The following FAT2 variants were observed in gnomAD, a reference collection of about 807,000 sequenced individuals.
FAT2 encodes the protein FAT atypical cadherin 2.
A neutral mutation model predicts 295.3 loss-of-function variants in FAT2; 150 were observed. The ratio of observed to expected loss-of-function variants is 0.51; its 90% confidence interval spans 0.44 to 0.58. The LOEUF (loss-of-function observed/expected upper bound fraction) is 0.58. Among genes scored for constraint, FAT2 ranks in the 20% least tolerant of loss-of-function variants. The pLI, the probability that FAT2 is intolerant of heterozygous loss-of-function variation, is 0.00. For synonymous variants in FAT2, 2,026 were observed against 2,150.3 expected (o/e 0.94, Z 1.60); for missense variants, 4,868 against 5,442.7 (o/e 0.89, Z 3.32).
chr5:151,573,958 T>C (rs1240628875), intron 1 of FAT2, among the ~76,000 whole-genome samples: 3 of 152,200 alleles, frequency 2.0e-5, no homozygotes, highest in Non-Finnish European at 4.4e-5. Context: ...CATATTCTAC[T>C]GTAGGAGGAT....
At chr5:151,586,087 C>T (rs1041608722) in intron 1 of FAT2, among the ~76,000 whole-genome samples, 2 of 152,344 alleles carry the variant, frequency 1.3e-5, no homozygotes, top group South Asian at 2.1e-4. Flanking sequence ...CAAAATGATA[C>T]GTTTGGCACC....
intron 1 of FAT2, among the ~76,000 whole-genome samples, chr5:151,588,340 A>G (rs1221565679): frequency 6.6e-6 from 1 of 152,214 alleles, no homozygotes; most frequent in Non-Finnish European, 1.5e-5. Flanking sequence ...TGGGCTAGGC[A>G]AGTGAAACAG....
intron 9 of FAT2, among the ~76,000 whole-genome samples, chr5:151,546,981 A>G (rs1481861019): frequency 6.6e-6 from 1 of 152,198 alleles, no homozygotes; most frequent in African/African-American, 2.4e-5. Context: ...CCTAAACTCT[A>G]GGCATTCTCA....
intron 18 of FAT2, among the ~76,000 whole-genome samples, chr5:151,522,615 T>C (rs1398663617): frequency 6.6e-6 from 1 of 152,128 alleles, no homozygotes; most frequent in African/African-American, 2.4e-5. Flanking sequence ...ATAAATAAGT[T>C]ACCAAATAAC....
intron 9 of FAT2, among the ~76,000 whole-genome samples, chr5:151,547,723 T>C (rs1201575704): frequency 6.6e-5 from 10 of 152,176 alleles, no homozygotes; most frequent in Non-Finnish European, 4.4e-5. Context: ...CTACATGTGA[T>C]TCCGATTATA....
rs781393886 is a variant in FAT2, at chr5:151,544,815, A to T, written c.6312T>A (p.Ala2104=). The T allele has an allele frequency of 6.2e-7, 1 of 1,614,222 alleles. No homozygotes were observed. Among genetic ancestry groups the T allele is most frequent in the Non-Finnish European group, 8.5e-7 (1 of 1,180,034 alleles). Residue 2104 remains alanine (A), a synonymous_variant, in exon 10 of 24, where the codon GCT becomes GCA. Transcript: ENST00000261800. ...ATDEDLGTNG[A]VTYEFAEDYT... Reference sequence around the variant, plus strand: ...AATCTTCTGCAAATTCATATGTAACAGCCCCATTTGTCCCCAAGTCCTCAT... The same window carrying T: ...AATCTTCTGCAAATTCATATGTAACTGCCCCATTTGTCCCCAAGTCCTCAT...
Position 151,546,238 on chromosome 5 carries a change from A to G in FAT2, c.4889T>C (p.Val1630Ala). The change falls in exon 10 of 24, where the codon GTG (valine) becomes GCG (alanine). Residue 1630 changes from valine to alanine, a missense_variant. By Grantham distance (64) the Val-to-Ala change is moderately conservative (BLOSUM62 0). Transcript: ENST00000261800. Reference sequence around the variant, plus strand: ...TGGGGAGCCTTGATCTTCTGCCTTCACTGTCAGAGTATGTGGGGCATGATT... The same window carrying G: ...TGGGGAGCCTTGATCTTCTGCCTTCGCTGTCAGAGTATGTGGGGCATGATT... Reference protein sequence around the residue: ...QANHAPHTLTVKAEDQGSPQW... With the variant: ...QANHAPHTLTAKAEDQGSPQW... The G allele has an allele frequency of 1.2e-6, 2 of 1,614,164 alleles. No individual in the cohort carries two copies. Among genetic ancestry groups the G allele is most frequent in the Admixed American group, 3.3e-5 (2 of 60,022 alleles).
chr5:151,512,714 G>C lies in FAT2; in HGVS notation c.11464-108C>G, dbSNP rs1054814328. 5 of 1,055,682 alleles carry C rather than the reference G, an allele frequency of 4.7e-6. No individual in the cohort carries two copies. Among genetic ancestry groups the C allele is most frequent in the South Asian group, 3.3e-5 (2 of 61,154 alleles). The allele number at this position is 1,055,682 out of a possible 1,614,324, so 65.4% of individuals were successfully genotyped here. On this transcript the variant is annotated intron_variant, in intron 20 of 23. Coordinates refer to ENST00000261800, the MANE Select transcript of FAT2 (RefSeq NM_001447.3). This position sits in a 1 kb window ranked among gnomAD's most constrained non-coding sequence, Gnocchi z 4.1. Reference sequence around the variant, plus strand: ...TGTTTGTATTTTTATGGGTAGGAGGGGGGTGTTTGGCTGTTTTAGACATGG... The same window carrying C: ...TGTTTGTATTTTTATGGGTAGGAGGCGGGTGTTTGGCTGTTTTAGACATGG...
At chr5:151,555,456 C>T (rs961153635) in intron 4 of FAT2, among the ~76,000 whole-genome samples, 3 of 150,504 alleles carry the variant, frequency 2.0e-5, no homozygotes, top group East Asian at 3.9e-4. Flanking sequence ...CTGCAACCTC[C>T]GTCTCCCAGG....
rs2127611822 is a variant in FAT2, at chr5:151,545,296, G to A, written c.5831C>T (p.Ser1944Phe). The part of the protein sequence containing the change: ...GLSRKLTIRA[S>F]DGLYQDTALV... ...CGCAGTGTCTTGATACAAGCCATCAGAAGCCCTGATGGTGAGCTTCCGAGA... is the reference window on the plus strand; with the variant it reads ...CGCAGTGTCTTGATACAAGCCATCAAAAGCCCTGATGGTGAGCTTCCGAGA... Residue 1944 changes from serine (S) to phenylalanine (F), a missense_variant, in exon 10 of 24, where the codon TCT (serine) becomes TTT (phenylalanine). This residue lies in a region of FAT2 where 3,297 missense variants were observed against 3,669.4 expected (regional missense o/e 0.90). Transcript: ENST00000261800. 6.2e-7 allele frequency: 1 copy of A among 1,614,158 alleles called. No homozygotes were observed. Among genetic ancestry groups the A allele is most frequent in the South Asian group, 1.1e-5 (1 of 91,082 alleles).
At chr5:151,593,929 G>C (rs760111371), upstream of FAT2, among the ~76,000 whole-genome samples, 1 of 152,060 alleles carries the variant, frequency 6.6e-6, no homozygotes, top group Non-Finnish European at 1.5e-5. Flanking sequence ...CTTGAACCCG[G>C]GAGGTGGAGG....
chr5:151,589,390 G>A lies in FAT2; in HGVS notation c.-21+1775C>T, dbSNP rs542548588. ...CCAAGGTGAGTTCAGTCGCACTTAG[G>A]TTAGAGTATGCAGGAAGCTGAGCAT... is the stretch of plus-strand genomic sequence containing the variant. On this transcript the variant is annotated intron_variant, in intron 1 of 23. Coordinates refer to ENST00000261800, the MANE Select transcript of FAT2 (RefSeq NM_001447.3). Among the ~76,000 whole-genome samples the A allele has an allele frequency of 5.3e-5, 8 of 152,302 alleles. No homozygotes were observed. The East Asian group carries it at 1.3e-3, about 26-fold the overall frequency.
intron 19 of FAT2, among the ~76,000 whole-genome samples, chr5:151,519,368 A>G (rs1753205954): frequency 6.6e-6 from 1 of 152,146 alleles, no homozygotes; most frequent in Non-Finnish European, 1.5e-5. Flanking sequence ...AAATCCAAAC[A>G]AGTCCAAAAT....
chr5:151,562,507 A>G (rs1218591908), intron 3 of FAT2, among the ~76,000 whole-genome samples: 1 of 152,106 alleles, frequency 6.6e-6, no homozygotes, highest in Non-Finnish European at 1.5e-5. Flanking sequence ...GTAACACAAC[A>G]GGGGATGGCA....
rs376802525 is a variant in FAT2 at position 151,565,718 on chromosome 5, G to A, written c.3214C>T (p.Arg1072Cys). The A allele has an allele frequency of 8.4e-5, 114 of 1,362,832 alleles. No homozygotes were observed. Among genetic ancestry groups the A allele is most frequent in the African/African-American group, 1.1e-4 (7 of 66,092 alleles). 84.4% of individuals were successfully genotyped at this position (1,362,832 alleles called of 1,614,324 possible). A position where few individuals can be genotyped will look rare whatever the true frequency, so the allele number is the denominator to read the frequency against. The change falls in exon 2 of 24, where the codon CGT (arginine) becomes TGT (cysteine). Residue 1072 changes from arginine to cysteine, a missense_variant. By Grantham distance (180) the Arg-to-Cys change is radical. Coordinates refer to ENST00000261800, the MANE Select transcript of FAT2 (RefSeq NM_001447.3). ...GLDGELQYFL[R>C]AGTGLAAFSI... ...AAGGCTGCGAGTCCAGTGCCAGCACGCAGGAAGTACTGGAGCTCCCCATCC... is the reference window on the plus strand; with the variant it reads ...AAGGCTGCGAGTCCAGTGCCAGCACACAGGAAGTACTGGAGCTCCCCATCC...
rs761525206 is a variant in FAT2, at chr5:151,563,527, G to A, written c.3372C>T (p.Tyr1124=). 4.3e-6 allele frequency: 7 copies of A among 1,614,122 alleles called. No individual in the cohort carries two copies. Residue 1124 remains tyrosine (Y), a synonymous_variant, in exon 3 of 24, where the codon TAC becomes TAT. Transcript: ENST00000261800. ...TGTCATTGGCATCCGTAACCTCGAT[G>A]TAGACTTCAGTTACAGAAGAGAGGG... The part of the protein sequence containing the change: ...SVPLSSVTEV[Y]IEVTDANDNP...
At chr5:151,590,611 A>C (rs968685538) in intron 1 of FAT2, among the ~76,000 whole-genome samples, 2 of 152,162 alleles carry the variant, frequency 1.3e-5, no homozygotes, top group Non-Finnish European at 2.9e-5. Flanking sequence ...AGGGAAGCTG[A>C]GGTCCTAATC....
chr5:151,553,259 G>T lies in FAT2; in HGVS notation c.4074C>A (p.Val1358=). The T allele has an allele frequency of 6.2e-7, 1 of 1,614,258 alleles. No individual in the cohort carries two copies. The highest frequency in any genetic ancestry group is 1.1e-5 in the South Asian group (1 of 91,076). Residue 1358 remains valine, a synonymous_variant, in exon 6 of 24, where the codon GTC becomes GTA. Coordinates refer to ENST00000261800, the MANE Select transcript of FAT2 (RefSeq NM_001447.3). The part of the protein sequence containing the change: ...AFDETYYSFT[V]METDPVNHMV... ...TGTGGTTCACAGGGTCCGTCTCCAT[G>T]ACCGTAAAGCTGTAGTAGGTCTCAT...
intron 20 of FAT2, among the ~76,000 whole-genome samples, chr5:151,513,768 TTTAA>T (rs757036991): frequency 1.8e-4 from 27 of 152,240 alleles, no homozygotes; most frequent in African/African-American, 2.7e-4. Context: ...AAAAAAATTA[TTTAA>T]TTAATTAAGG....
Sources: gnomAD v4.1 joint callset for allele counts (sites outside exome capture counted in the v4.1 genomes callset) on GRCh38, gnomAD v4.1.1 for gene constraint, gnomAD v4.1.1 regional missense constraint, Gnocchi (gnomAD v3.1) non-coding constraint, MANE v1.5 for transcripts, NCBI Gene and HGNC (gene_info 2026-07-23, HGNC 2026-07-21) for gene names.